Variants in ETV1 observed in about 807,000 individuals in gnomAD.
ETV1 encodes the protein ETS translocation variant 1.
A neutral mutation model predicts 62.3 loss-of-function variants in ETV1; 27 were observed. The observed-to-expected ratio is 0.43, with a 90% CI of 0.32 to 0.60. The LOEUF (loss-of-function observed/expected upper bound fraction) is 0.60. Ranked by LOEUF, ETV1 falls within the 20% of genes least tolerant of loss-of-function variation. The pLI, the probability that ETV1 is intolerant of heterozygous loss-of-function variation, is 0.06. For synonymous variants in ETV1, 222 were observed against 199.6 expected (o/e 1.11, Z -0.94); for missense variants, 605 against 605.8 (o/e 1.00, Z 0.01).
intron 12 of ETV1, among the ~76,000 whole-genome samples, chr7:13,903,762 C>CAA (rs534972176): frequency 8.5e-4 from 79 of 93,104 alleles, no homozygotes; most frequent in African/African-American, 2.6e-3. Flanking sequence ...GATTCCATCT[C>CAA]AAAAAAAAAA....
intron 9 of ETV1, among the ~76,000 whole-genome samples, chr7:13,918,838 A>G (rs1289230206): frequency 6.7e-6 from 1 of 149,324 alleles, no homozygotes; most frequent in Admixed American, 6.7e-5. Context: ...ACTAACCTGC[A>G]CAATGTGCAC....
Position 13,900,057 on chromosome 7 carries a change from G to A in ETV1, c.1212+681C>T, listed in dbSNP as rs563348062. Among the ~76,000 whole-genome samples, 22 of 152,184 alleles carry A rather than the reference G, an allele frequency of 1.4e-4. No individual in the cohort carries two copies. The East Asian group carries it at 2.9e-3, about 20-fold the overall frequency. Reference sequence around the variant, plus strand: ...GGCAGGAGAACTGCTTGAACCTGGGGGACTGAGGTTGCAGTGAACCAAGAT... The same window carrying A: ...GGCAGGAGAACTGCTTGAACCTGGGAGACTGAGGTTGCAGTGAACCAAGAT... On this transcript the variant is annotated intron_variant, in intron 13 of 13. Transcript: ENST00000430479.
intron 6 of ETV1, among the ~76,000 whole-genome samples, chr7:13,970,956 CTTTTA>C (rs1311724121): frequency 2.0e-5 from 3 of 151,314 alleles, no homozygotes; most frequent in African/African-American, 4.9e-5. Flanking sequence ...GCTATTCTTT[CTTTTA>C]TTTATTTTAT....
At chr7:13,986,451 C>A in intron 5 of ETV1, 187 bp downstream of exon 5, 1 of 1,496,158 alleles carries the variant, frequency 6.7e-7, no homozygotes, top group East Asian at 2.5e-5. Flanking sequence ...TGTGATGACA[C>A]TGGGTAGTAC....
intron 6 of ETV1, among the ~76,000 whole-genome samples, chr7:13,954,583 T>C (rs911765996): frequency 1.3e-5 from 2 of 152,238 alleles, no homozygotes; most frequent in Admixed American, 6.5e-5. Flanking sequence ...TTTTATTCTC[T>C]TTTGAGTTAT....
intron 13 of ETV1, among the ~76,000 whole-genome samples, chr7:13,896,747 A>G (rs1283740408): frequency 1.3e-3 from 180 of 134,626 alleles, no homozygotes; most frequent in Middle Eastern, 3.8e-3. Flanking sequence ...AAGAAAGGAA[A>G]GAAAGAAAGA....
intron 9 of ETV1, among the ~76,000 whole-genome samples, chr7:13,930,045 T>C (rs1785907920): frequency 2.0e-5 from 3 of 152,186 alleles, no homozygotes; most frequent in Non-Finnish European, 4.4e-5. Flanking sequence ...CCAAACTTTA[T>C]ATCCAGACAA....
intron 6 of ETV1, among the ~76,000 whole-genome samples, chr7:13,955,407 T>G (rs1179187088): frequency 1.3e-5 from 2 of 152,272 alleles, no homozygotes; most frequent in East Asian, 3.9e-4. Context: ...AGTCAAGTCC[T>G]TTTTTAATTT....
chr7:13,969,907 G>A (rs944080334), intron 6 of ETV1, among the ~76,000 whole-genome samples: 1 of 152,102 alleles, frequency 6.6e-6, no homozygotes, highest in Admixed American at 6.5e-5. Context: ...TTGCAGGAAC[G>A]GGGAATAATT....
intron 9 of ETV1, among the ~76,000 whole-genome samples, chr7:13,911,785 A>T (rs1260027638): frequency 1.3e-5 from 2 of 152,214 alleles, no homozygotes; most frequent in African/African-American, 2.4e-5. Flanking sequence ...TCTTCATATG[A>T]AGTATTATGA....
intron 5 of ETV1, among the ~76,000 whole-genome samples, chr7:13,980,515 G>A (rs1405409615): frequency 6.6e-6 from 1 of 152,088 alleles, no homozygotes; most frequent in Non-Finnish European, 1.5e-5. Flanking sequence ...CACCTTTGGG[G>A]AATGAAAATG....
chr7:13,901,224 C>T (rs1223582853), intron 12 of ETV1, among the ~76,000 whole-genome samples: 3 of 152,214 alleles, frequency 2.0e-5, no homozygotes, highest in Admixed American at 6.5e-5. Context: ...AGGCTGGTCT[C>T]GAACTCCTGA....
intron 6 of ETV1, among the ~76,000 whole-genome samples, chr7:13,947,791 A>T (rs916404858): frequency 6.6e-6 from 1 of 152,210 alleles, no homozygotes; most frequent in African/African-American, 2.4e-5. Context: ...TGCCCCAGAC[A>T]CTACGGCAGG....
intron 6 of ETV1, among the ~76,000 whole-genome samples, chr7:13,944,917 G>A (rs573034343): frequency 6.6e-6 from 1 of 152,118 alleles, no homozygotes; most frequent in Non-Finnish European, 1.5e-5. Context: ...TGAGGGCATA[G>A]GTAAGAGTGA....
intron 8 of ETV1, among the ~76,000 whole-genome samples, chr7:13,933,626 GAA>G (rs1170474455): frequency 6.6e-6 from 1 of 152,174 alleles, no homozygotes; most frequent in Non-Finnish European, 1.5e-5. Flanking sequence ...GTGTTTTGGG[GAA>G]AGGATCTGTT....
In ETV1 at chr7:13,893,380, A is replaced by G; in HGVS notation, c.*2486T>C. ...TTAAAAAATTTTAGATACATTTTTC[A>G]AAAGAGTTTATAATGTAATATTTTC... is the stretch of plus-strand genomic sequence containing the variant. On this transcript the variant is annotated 3_prime_UTR_variant, in exon 14 of 14. Coordinates refer to ENST00000430479, the MANE Select transcript of ETV1 (RefSeq NM_004956.5). 4.3e-6 allele frequency: 1 copy of G among 231,190 alleles called. No homozygotes were observed. The highest frequency in any genetic ancestry group is 8.6e-6 in the Non-Finnish European group (1 of 116,844). The allele number at this position is 231,190 out of a possible 1,614,324, so 14.3% of individuals were successfully genotyped here.
At chr7:13,988,713 CA>C (rs1349870285) in intron 3 of ETV1, 3 of 1,612,552 alleles carry the variant, frequency 1.9e-6, no homozygotes, top group African/African-American at 2.7e-5. Context: ...CAAACCCAGC[CA>C]AAAACTTTGA....
At chr7:13,931,955 C>A (rs1431725856) in intron 8 of ETV1, among the ~76,000 whole-genome samples, 3 of 151,868 alleles carry the variant, frequency 2.0e-5, no homozygotes, top group African/African-American at 4.8e-5. Flanking sequence ...TCTAATCAGT[C>A]TTTTGCAGCA....
intron 7 of ETV1, among the ~76,000 whole-genome samples, chr7:13,937,078 T>G (rs1050248184): frequency 6.6e-6 from 1 of 152,104 alleles, no homozygotes; most frequent in African/African-American, 2.4e-5. Context: ...AAAGCAATCA[T>G]CAGTACACTT....
Sources: allele counts gnomAD v4.1 joint callset (sites outside exome capture counted in the v4.1 genomes callset), GRCh38; gene constraint gnomAD v4.1.1; transcripts MANE v1.5; gene names NCBI Gene and HGNC (gene_info 2026-07-23, HGNC 2026-07-21).